Variants in SUPT3H observed in about 807,000 individuals in gnomAD.
The protein encoded by SUPT3H is transcription initiation protein SPT3 homolog.
In SUPT3H, 44 loss-of-function variants were observed where a neutral mutation model predicts 44.3. The ratio of observed to expected loss-of-function variants is 0.99; its 90% CI spans 0.78 to 1.28. The LOEUF (loss-of-function observed/expected upper bound fraction) is 1.28. Ranked by LOEUF, SUPT3H falls within the 50% of genes most tolerant of loss-of-function variation. SUPT3H has a pLI of 0.00. For missense variants in SUPT3H, 380 were observed against 387.1 expected, an observed-to-expected ratio of 0.98 and a Z score of 0.15; for synonymous variants, 124 against 125.6, an observed-to-expected ratio of 0.99 and a Z score of 0.09.
intron 2 of SUPT3H, among the ~76,000 whole-genome samples, chr6:45,218,271 A>G (rs1193362319): frequency 6.6e-6 from 1 of 152,188 alleles, no homozygotes; most frequent in Non-Finnish European, 1.5e-5. Flanking sequence ...ATATTATATA[A>G]TGATCAAAGG....
chr6:45,371,760 T>C (rs939804309), intron 1 of SUPT3H: 64 of 820,506 alleles, frequency 7.8e-5, no homozygotes, highest in Non-Finnish European at 8.8e-5. Context: ...AAATCTTAGG[T>C]AGATGGATAA....
chr6:45,025,962 G>T (rs373709902), intron 3 of SUPT3H, among the ~76,000 whole-genome samples: 5 of 151,942 alleles, frequency 3.3e-5, no homozygotes, highest in African/African-American at 1.2e-4. Context: ...ATTTTAATGA[G>T]ACTTCCATTG....
chr6:45,085,923 T>A (rs1237548164), intron 3 of SUPT3H, among the ~76,000 whole-genome samples: 1 of 152,074 alleles, frequency 6.6e-6, no homozygotes, highest in African/African-American at 2.4e-5. Context: ...ATTAAAAACA[T>A]CATAACTATT....
At chr6:45,249,687 C>T (rs10456546) in intron 2 of SUPT3H, among the ~76,000 whole-genome samples, 34,516 of 151,994 alleles carry the variant, frequency 0.23, 4,601 homozygotes, top group Non-Finnish European at 0.31. Flanking sequence ...CTCCAAATCC[C>T]TTTTCCAACC....
intron 2 of SUPT3H, among the ~76,000 whole-genome samples, chr6:45,280,396 C>T (rs1584659908): frequency 6.6e-6 from 1 of 152,140 alleles, no homozygotes; most frequent in African/African-American, 2.4e-5. Context: ...ATCCCAGCTA[C>T]TCGGGGGGCT....
chr6:44,966,283 A>G (rs1776758906), intron 6 of SUPT3H, among the ~76,000 whole-genome samples: 1 of 152,104 alleles, frequency 6.6e-6, no homozygotes, highest in South Asian at 2.1e-4. Flanking sequence ...AAACATCATG[A>G]TCAGAATAAT....
intron 6 of SUPT3H, among the ~76,000 whole-genome samples, chr6:44,989,134 T>C (rs1472041736): frequency 6.6e-6 from 1 of 152,072 alleles, no homozygotes; most frequent in Admixed American, 6.6e-5. Context: ...AAATATCTGA[T>C]GAGTTTGAGA....
chr6:45,284,775 A>G (rs1366913343), intron 2 of SUPT3H, among the ~76,000 whole-genome samples: 4 of 152,152 alleles, frequency 2.6e-5, no homozygotes, highest in Admixed American at 6.5e-5. Context: ...ACCAAAGACT[A>G]GCAGAGACAC....
In SUPT3H at chr6:44,987,107, C is replaced by T. The variant is rs535000433; in HGVS notation, c.504+16546G>A. ...CTCTTCCTGGCTTACAGATAGCTGT[C>T]TTCTCCCTATGTCCTCACATGGCAG... On this transcript the variant is annotated intron_variant, in intron 6 of 10. Transcript: ENST00000371459. 2.0e-5 allele frequency among the ~76,000 whole-genome samples: 3 copies of T among 152,240 alleles called. No homozygotes were observed. The South Asian group carries it at 6.2e-4, about 32-fold the overall frequency.
At position 45,020,591 on chromosome 6, in the gene SUPT3H, C is replaced by T; in HGVS notation, c.228G>A (p.Arg76=). 1 of 1,611,522 alleles carries T rather than the reference C, an allele frequency of 6.2e-7. No homozygotes were observed. Among genetic ancestry groups the T allele is most frequent in the South Asian group, 1.1e-5 (1 of 90,812 alleles). Residue 76 remains arginine (R), a synonymous_variant, in exon 4 of 11, where the codon AGG becomes AGA. Coordinates refer to ENST00000371459, the MANE Select transcript of SUPT3H (RefSeq NM_003599.4). ...AAEVSQLRGA[R]VITPEDLLFL... ...ACAGAAGATCTTCAGGAGTGATTAC[C>T]CTTGCTCCCCGCAGCTGAGAAACTT...
chr6:45,313,171 C>T (rs895144792), intron 2 of SUPT3H, among the ~76,000 whole-genome samples: 3 of 152,052 alleles, frequency 2.0e-5, no homozygotes, highest in Admixed American at 2.0e-4. Context: ...GCCCTAAACG[C>T]CTACATCAAA....
At chr6:44,887,828 G>T (rs1322743434) in intron 10 of SUPT3H, among the ~76,000 whole-genome samples, 1 of 151,676 alleles carries the variant, frequency 6.6e-6, no homozygotes, top group African/African-American at 2.4e-5. Flanking sequence ...ATGAATCCAG[G>T]AGCTGGTTTT....
chr6:45,148,359 T>C (rs1281847094), intron 2 of SUPT3H, among the ~76,000 whole-genome samples: 1 of 152,158 alleles, frequency 6.6e-6, no homozygotes, highest in African/African-American at 2.4e-5. Flanking sequence ...CAAAGCTAAC[T>C]AGATGGTACA....
Position 44,932,692 on chromosome 6 carries a change from T to C in SUPT3H, c.873A>G (p.Arg291=), listed in dbSNP as rs1337054609. Reference sequence around the variant, plus strand: ...GTGGGCCAATCCTGTGGCTGTAGCGTCGAATGGCCTCTCTGATGTGGCAGG... The same window carrying C: ...GTGGGCCAATCCTGTGGCTGTAGCGCCGAATGGCCTCTCTGATGTGGCAGG... ...IQPCHIREAI[R]RYSHRIGPLS... The change falls in exon 10 of 11, where the codon CGA becomes CGG. Residue 291 remains arginine (R), a synonymous_variant. Transcript: ENST00000371459. 6.2e-6 allele frequency: 10 copies of C among 1,611,896 alleles called. No individual in the cohort carries two copies. Among genetic ancestry groups the C allele is most frequent in the Non-Finnish European group, 7.6e-6 (9 of 1,179,082 alleles).
chr6:45,311,333 A>G (rs1783915541), intron 2 of SUPT3H, among the ~76,000 whole-genome samples: 1 of 152,232 alleles, frequency 6.6e-6, no homozygotes, highest in African/African-American at 2.4e-5. Context: ...AACAGACCTA[A>G]GAATAATCAG....
intron 2 of SUPT3H, among the ~76,000 whole-genome samples, chr6:45,109,071 T>C (rs992941135): frequency 3.9e-5 from 6 of 152,088 alleles, no homozygotes; most frequent in African/African-American, 1.4e-4. Flanking sequence ...TTATATGAGA[T>C]GGTAAAGAGA....
chr6:45,125,594 T>C (rs1203416358), intron 2 of SUPT3H, among the ~76,000 whole-genome samples: 1 of 151,988 alleles, frequency 6.6e-6, no homozygotes, highest in East Asian at 2.0e-4. Flanking sequence ...CCTGTTTTGA[T>C]TTGTGATTTC....
At chr6:45,264,192 A>G (rs1317668654) in intron 2 of SUPT3H, among the ~76,000 whole-genome samples, 1 of 152,212 alleles carries the variant, frequency 6.6e-6, no homozygotes, top group Non-Finnish European at 1.5e-5. Context: ...TAAAACAGAA[A>G]TGACAAAGTG....
Position 44,839,198 on chromosome 6 carries a change from C to T in SUPT3H, c.913-9341G>A, listed in dbSNP as rs139762761. Among the ~76,000 whole-genome samples the T allele has an allele frequency of 4.8e-3, 725 of 152,288 alleles. 4 individuals are homozygous for T. The highest frequency in any genetic ancestry group is 0.017 in the African/African-American group (692 of 41,544). On this transcript the variant is annotated intron_variant, in intron 10 of 10. Coordinates refer to ENST00000371459, the MANE Select transcript of SUPT3H (RefSeq NM_003599.4). ...GGCTCATGGTAACTAGGATCCTGCA[C>T]TGGCCCAGATCACCCTTATCACACT...
Sources: gnomAD v4.1 joint callset for allele counts (sites outside exome capture counted in the v4.1 genomes callset) on GRCh38, gnomAD v4.1.1 for gene constraint, MANE v1.5 for transcripts, NCBI Gene and HGNC (gene_info 2026-07-23, HGNC 2026-07-21) for gene names.